The following LRRK2 variants were observed in gnomAD, a reference collection of about 807,000 sequenced individuals.
The protein encoded by LRRK2 is leucine-rich repeat serine/threonine-protein kinase 2.
LRRK2 carries 203 observed loss-of-function variants against 302.6 expected under a neutral mutation model. The observed-to-expected ratio is 0.67, with a 90% CI of 0.60 to 0.75. LRRK2 has a LOEUF of 0.75. Ranked by LOEUF, LRRK2 falls within the 30% of genes least tolerant of loss-of-function variation. The pLI, the probability that LRRK2 is intolerant of heterozygous loss-of-function variation, is 0.00. For synonymous variants in LRRK2, 1,066 were observed against 1,031.9 expected (o/e 1.03, Z -0.63); for missense variants, 2,830 against 2,951.0 (o/e 0.96, Z 0.95).
At chr12:40,292,965 T>C (rs1240820818) in intron 20 of LRRK2, among the ~76,000 whole-genome samples, 4 of 152,082 alleles carry the variant, frequency 2.6e-5, no homozygotes, top group Non-Finnish European at 5.9e-5. Flanking sequence ...GAAATTCAAA[T>C]AGAAATTTAT....
intron 40 of LRRK2, among the ~76,000 whole-genome samples, chr12:40,339,704 A>G (rs557357601): frequency 6.6e-6 from 1 of 152,316 alleles, no homozygotes; most frequent in Non-Finnish European, 1.5e-5. Context: ...GAAGAGACTA[A>G]TAGCAAGCAA....
At position 40,249,909 on chromosome 12, in the gene LRRK2, T is replaced by A. The variant is rs1325197879; in HGVS notation, c.922T>A (p.Leu308Met). 6 of 1,613,932 alleles carry A rather than the reference T, an allele frequency of 3.7e-6. No homozygotes were observed. The East Asian group carries it at 1.1e-4, about 30-fold the overall frequency. The change falls in exon 8 of 51, where the codon TTG (leucine) becomes ATG (methionine). Residue 308 changes from leucine (L) to methionine (M), a missense_variant. Transcript: ENST00000298910. ...GCAGCAGTACCCAGAGAATGCAGCA[T>A]TGCAGATCTCAGCGCTCAGCTGTTT... ...AVQQYPENAALQISALSCLAL... is the reference protein window; with the variant it reads ...AVQQYPENAAMQISALSCLAL...
intron 18 of LRRK2, among the ~76,000 whole-genome samples, chr12:40,282,996 A>G (rs1943770196): frequency 6.6e-6 from 1 of 152,122 alleles, no homozygotes; most frequent in African/African-American, 2.4e-5. Context: ...TTTTCTAAAT[A>G]CTCATCTATA....
At chr12:40,246,807 G>A (rs567465963) in intron 7 of LRRK2, among the ~76,000 whole-genome samples, 1 of 152,198 alleles carries the variant, frequency 6.6e-6, no homozygotes, top group African/African-American at 2.4e-5. Context: ...GCAGCGCCAG[G>A]ATTCATGCTT....
In LRRK2 at chr12:40,323,697, G is replaced by T. The variant is rs548307182; in HGVS notation, c.5656+391G>T. Among the ~76,000 whole-genome samples, 9 of 152,076 alleles carry T rather than the reference G, an allele frequency of 5.9e-5. 1 individual carries two copies. Among genetic ancestry groups the T allele is most frequent in the African/African-American group, 2.2e-4 (9 of 41,490 alleles). ...CACACCTCAGTGTAGCCATAGCAGG[G>T]GTTTTATGACTCAGTGTGACAATGC... On this transcript the variant is annotated intron_variant, in intron 38 of 50. Coordinates refer to ENST00000298910, the MANE Select transcript of LRRK2 (RefSeq NM_198578.4).
In LRRK2 at chr12:40,309,146, G is replaced by T. The variant is rs201407298; in HGVS notation, c.4230G>T (p.Thr1410=). ...EFYSTHPHFM[T]QRALYLAVYD... ...ATAGTACTCATCCCCATTTTATGAC[G>T]CAGCGAGCATTGTACCTTGCTGTCT... Residue 1410 remains threonine, a synonymous_variant, in exon 30 of 51, where the codon ACG becomes ACT. Transcript: ENST00000298910. 1.2e-6 allele frequency: 2 copies of T among 1,613,740 alleles called. No homozygotes were observed. The highest frequency in any genetic ancestry group is 4.5e-5 in the East Asian group (2 of 44,878).
chr12:40,317,078 A>C (rs1268825074), intron 33 of LRRK2, among the ~76,000 whole-genome samples: 6 of 152,002 alleles, frequency 3.9e-5, no homozygotes, highest in Admixed American at 1.3e-4. Flanking sequence ...AAAAATGCAG[A>C]TTTTCACTAT....
chr12:40,233,989 T>C (rs371874922), intron 3 of LRRK2, among the ~76,000 whole-genome samples: 4 of 152,188 alleles, frequency 2.6e-5, no homozygotes, highest in East Asian at 3.8e-4. Context: ...CAAAAATTGA[T>C]TGTAAAACAG....
chr12:40,263,959 G>C, intron 14 of LRRK2, 58 bp downstream of exon 14: 1 of 1,285,546 alleles, frequency 7.8e-7, no homozygotes, highest in African/African-American at 1.5e-5. Flanking sequence ...TAAATTTGGA[G>C]AACTAGGGGC....
rs754575389 is a variant in LRRK2 at position 40,225,198 on chromosome 12, C to T, written c.67C>T (p.Leu23=). The T allele has an allele frequency of 7.4e-6, 12 of 1,614,072 alleles. No individual in the cohort carries two copies. The highest frequency in any genetic ancestry group is 2.7e-5 in the African/African-American group (2 of 74,936). ...EETLKKLIVR[L]NNVQEGKQIE... ...AACTCTGAAGAAGTTGATAGTCAGG[C>T]TGAACAATGTCCAGGAAGGAAAACA... The change falls in exon 1 of 51, where the codon CTG becomes TTG. Residue 23 remains leucine, a synonymous_variant. Coordinates refer to ENST00000298910, the MANE Select transcript of LRRK2 (RefSeq NM_198578.4).
At chr12:40,250,088 T>C (rs968349900) in intron 8 of LRRK2, 143 bp downstream of exon 8, 2 of 1,023,588 alleles carry the variant, frequency 2.0e-6, no homozygotes, top group Non-Finnish European at 2.9e-6. Flanking sequence ...TAGAGGATAC[T>C]TTCAAGGAAA....
In LRRK2 at chr12:40,298,460, T is replaced by G. The variant is rs994675832; in HGVS notation, c.3314T>G (p.Val1105Gly). Residue 1105 changes from valine (V) to glycine (G), a missense_variant, in exon 24 of 51, where the codon GTG (valine) becomes GGG (glycine). Physicochemically the swap from Val to Gly is moderately radical, Grantham distance 109. Transcript: ENST00000298910. The stretch of plus-strand genomic sequence containing the variant: ...TTTGTACCTGAGAACCTCACTGATG[T>G]GGTAGAGAAACTGGAGCAGCTCATT... ...LSFVPENLTDVVEKLEQLILE... is the reference protein window; with the variant it reads ...LSFVPENLTDGVEKLEQLILE... 6.2e-7 allele frequency: 1 copy of G among 1,613,942 alleles called. No homozygotes were observed. The highest frequency in any genetic ancestry group is 1.1e-5 in the South Asian group (1 of 91,078).
intron 40 of LRRK2, among the ~76,000 whole-genome samples, chr12:40,337,871 C>T (rs1945921139): frequency 6.6e-6 from 1 of 152,158 alleles, no homozygotes; most frequent in South Asian, 2.1e-4. Context: ...TTCAGTTATG[C>T]TCATGTCTGT....
intron 33 of LRRK2, 23 bp downstream of exon 33, chr12:40,315,323 G>T: frequency 1.3e-6 from 2 of 1,572,656 alleles, no homozygotes; most frequent in Non-Finnish European, 1.8e-6. Context: ...TATTTTTGTG[G>T]CACGGGGGTT....
At chr12:40,347,789 C>T (rs1209445021) in intron 42 of LRRK2, among the ~76,000 whole-genome samples, 1 of 152,116 alleles carries the variant, frequency 6.6e-6, no homozygotes, top group African/African-American at 2.4e-5. Flanking sequence ...ATGGTGAAAC[C>T]CTGTCTCTAC....
rs33962975 is a variant in LRRK2, at chr12:40,363,528, A to G, written c.7155A>G (p.Gly2385=). ...ATAAGAAAACTGAAAAACTCTGTGGACTAATAGACTGCGTGCACTTTTTAA... is the reference window on the plus strand; with the variant it reads ...ATAAGAAAACTGAAAAACTCTGTGGGCTAATAGACTGCGTGCACTTTTTAA... ...VWDKKTEKLC[G]LIDCVHFLRE... Residue 2385 remains glycine, a synonymous_variant, in exon 48 of 51, where the codon GGA becomes GGG. Transcript: ENST00000298910. 212,051 of 1,611,208 alleles carry G rather than the reference A, an allele frequency of 0.13. 16,076 individuals are homozygous for G. The highest frequency in any genetic ancestry group is 0.15 in the Non-Finnish European group (173,937 of 1,178,092).
chr12:40,257,887 C>G (rs1942593439), intron 12 of LRRK2, among the ~76,000 whole-genome samples: 1 of 149,096 alleles, frequency 6.7e-6, no homozygotes, highest in Admixed American at 6.7e-5. Context: ...CAACAGAGAC[C>G]ATATCCTTTG....
chr12:40,287,358 A>G lies in LRRK2; in HGVS notation c.2508A>G (p.Ala836=), dbSNP rs148920013. The G allele has an allele frequency of 4.0e-5, 65 of 1,611,988 alleles. No homozygotes were observed. In the African/African-American group the frequency reaches 7.6e-4, roughly 19 times the overall value. ...TSNLRKQTNI[A]STLARMVIRY... is the part of the protein sequence containing the mutation. ...TGTATCTCTTATTTTCAGATATAGC[A>G]TCTACACTAGCAAGAATGGTGATCA... The change falls in exon 20 of 51, where the codon GCA becomes GCG. Residue 836 remains alanine (A), a synonymous_variant. Transcript: ENST00000298910.
chr12:40,255,351 T>C (rs1034007203), intron 11 of LRRK2, among the ~76,000 whole-genome samples: 6 of 152,184 alleles, frequency 3.9e-5, no homozygotes, highest in African/African-American at 1.4e-4. Flanking sequence ...CGTCGCATAT[T>C]GTTTTTTGCC....
Sources: allele counts gnomAD v4.1 joint callset (sites outside exome capture counted in the v4.1 genomes callset), GRCh38; gene constraint gnomAD v4.1.1; transcripts MANE v1.5; gene names NCBI Gene and HGNC (gene_info 2026-07-23, HGNC 2026-07-21).